The following NLK variants were observed in gnomAD, a reference collection of about 807,000 sequenced individuals.
NLK encodes nemo like kinase, also known as serine/threonine-protein kinase NLK.
NLK carries 11 observed loss-of-function variants against 59.0 expected under a neutral mutation model. That is an observed-to-expected ratio of 0.19 (90% CI 0.12 to 0.31). The LOEUF (loss-of-function observed/expected upper bound fraction) is 0.31. Among genes scored for constraint, NLK ranks in the 10% least tolerant of loss-of-function variants. NLK has a pLI of 1.00. For synonymous variants in NLK, 235 were observed against 235.9 expected (o/e 1.00, Z 0.03); for missense variants, 410 against 661.1 (o/e 0.62, Z 4.16).
At chr17:28,150,084 A>T (rs1043655178) in intron 3 of NLK, among the ~76,000 whole-genome samples, 3 of 152,178 alleles carry the variant, frequency 2.0e-5, no homozygotes, top group Non-Finnish European at 2.9e-5. Context: ...TACAATCTAG[A>T]TTTAAATGCA....
At chr17:28,119,488 A>G (rs1171514248) in intron 1 of NLK, among the ~76,000 whole-genome samples, 1 of 152,214 alleles carries the variant, frequency 6.6e-6, no homozygotes, top group Non-Finnish European at 1.5e-5. Context: ...ACCAGTAAGT[A>G]GTAGTCAGAA....
At chr17:28,124,013 C>T (rs1906187596) in intron 2 of NLK, among the ~76,000 whole-genome samples, 1 of 152,158 alleles carries the variant, frequency 6.6e-6, no homozygotes, top group Non-Finnish European at 1.5e-5. Context: ...AAGGTTTGGT[C>T]TCACTTTAAG....
chr17:28,047,520 T>A (rs1295498352), intron 1 of NLK, among the ~76,000 whole-genome samples: 1 of 152,226 alleles, frequency 6.6e-6, no homozygotes, highest in Admixed American at 6.5e-5. Context: ...GAAAGTATTA[T>A]GGATTTATAT....
intron 3 of NLK, among the ~76,000 whole-genome samples, chr17:28,139,775 C>T (rs1254151648): frequency 6.6e-6 from 1 of 152,132 alleles, no homozygotes. Flanking sequence ...GATTTGAACC[C>T]ATATTGTATA....
chr17:28,047,766 A>T (rs531992710), intron 1 of NLK, among the ~76,000 whole-genome samples: 15 of 152,192 alleles, frequency 9.9e-5, no homozygotes, highest in African/African-American at 3.6e-4. Flanking sequence ...TTTTTTTCTT[A>T]TGTTTTGTCT....
At chr17:28,190,981 A>C in intron 8 of NLK, 40 bp from the exon 9 acceptor site, 1 of 1,404,806 alleles carries the variant, frequency 7.1e-7, no homozygotes, top group Non-Finnish European at 9.8e-7. Flanking sequence ...CAGTCATTTT[A>C]TCTGTAGTGT....
intron 1 of NLK, among the ~76,000 whole-genome samples, chr17:28,045,724 C>T (rs1194178702): frequency 6.6e-6 from 1 of 152,164 alleles, no homozygotes; most frequent in African/African-American, 2.4e-5. Flanking sequence ...CTAAGTAAGA[C>T]TGTTTAGAGA....
intron 1 of NLK, among the ~76,000 whole-genome samples, chr17:28,096,933 G>T (rs1904721320): frequency 1.3e-5 from 2 of 152,116 alleles, no homozygotes; most frequent in South Asian, 4.1e-4. Flanking sequence ...ACACTGAAGG[G>T]TCTAAACAGT....
intron 1 of NLK, among the ~76,000 whole-genome samples, chr17:28,100,175 A>G (rs1010543617): frequency 2.2e-4 from 34 of 152,044 alleles, no homozygotes; most frequent in Non-Finnish European, 4.7e-4. Context: ...CTCTTTTTAC[A>G]TTGCTCTTGG....
Position 28,043,039 on chromosome 17 carries a change from G to T in NLK, c.166G>T (p.Gly56Trp). The T allele has an allele frequency of 3.9e-6, 6 of 1,557,684 alleles. No individual in the cohort carries two copies. Among genetic ancestry groups the T allele is most frequent in the Non-Finnish European group, 5.2e-6 (6 of 1,150,058 alleles). ...HHHPQHHLHPGSAAAVHPVQQ... is the reference protein window; with the variant it reads ...HHHPQHHLHPWSAAAVHPVQQ... ...CCACCCTCAACACCATCTTCATCCG[G>T]GGTCGGCTGCCGCTGTACACCCTGT... is the stretch of plus-strand genomic sequence containing the variant. Residue 56 changes from glycine (G) to tryptophan (W), a missense_variant, in exon 1 of 11, where the codon GGG becomes TGG. Gly to Trp is a radical substitution (Grantham distance 184, BLOSUM62 -2). This residue lies in a region of NLK where 160 missense variants were observed against 171.0 expected (regional missense o/e 0.94). Transcript: ENST00000407008.
intron 6 of NLK, among the ~76,000 whole-genome samples, 159 bp downstream of exon 6, chr17:28,168,816 A>G (rs1024932718): frequency 1.3e-5 from 2 of 152,210 alleles, no homozygotes; most frequent in African/African-American, 4.8e-5. Flanking sequence ...GTTGAAGATT[A>G]CAAAGAGATT....
At chr17:28,138,650 C>T (rs906298730) in intron 3 of NLK, among the ~76,000 whole-genome samples, 2 of 152,194 alleles carry the variant, frequency 1.3e-5, no homozygotes, top group Non-Finnish European at 2.9e-5. Context: ...TGTAAGTGTA[C>T]TCTTTCTTCA....
At chr17:28,176,657 T>C (rs1908692976) in intron 7 of NLK, among the ~76,000 whole-genome samples, 1 of 152,230 alleles carries the variant, frequency 6.6e-6, no homozygotes, top group Non-Finnish European at 1.5e-5. Context: ...AGCAGACTTA[T>C]TAAAATTTCA....
intron 5 of NLK, among the ~76,000 whole-genome samples, chr17:28,165,258 C>A (rs1908175264): frequency 6.6e-6 from 1 of 152,096 alleles, no homozygotes; most frequent in Admixed American, 6.5e-5. Flanking sequence ...AAGCCAATTT[C>A]TTCTTATTTT....
intron 1 of NLK, chr17:28,048,633 G>A (rs1909143207): frequency 6.6e-6 from 1 of 152,138 alleles, no homozygotes; most frequent in East Asian, 1.9e-4. Context: ...TCAAAGCACA[G>A]GCAGCTGTAG....
chr17:28,168,762 CT>C, intron 6 of NLK, 105 bp downstream of exon 6: 1 of 833,762 alleles, frequency 1.2e-6, no homozygotes, highest in Non-Finnish European at 1.9e-6. Flanking sequence ...GTCTAATTTG[CT>C]TTTAGGAAAT....
At chr17:28,199,303 C>G (rs1437207201), downstream of NLK, among the ~76,000 whole-genome samples, 1 of 151,986 alleles carries the variant, frequency 6.6e-6, no homozygotes, top group Non-Finnish European at 1.5e-5. Context: ...GCCAGTTCCT[C>G]AAAAAAATTA....
chr17:28,174,253 G>T (rs1908586471), intron 7 of NLK, among the ~76,000 whole-genome samples: 1 of 152,176 alleles, frequency 6.6e-6, no homozygotes, highest in Non-Finnish European at 1.5e-5. Flanking sequence ...AAGAGGAAAG[G>T]AAAATCCAAA....
At chr17:28,059,961 ATT>A (rs1295233014) in intron 1 of NLK, among the ~76,000 whole-genome samples, 1 of 152,216 alleles carries the variant, frequency 6.6e-6, no homozygotes, top group Non-Finnish European at 1.5e-5. Context: ...ATTCCTAAGT[ATT>A]TGTTACCTTT....
Sources: gnomAD v4.1 joint callset for allele counts (sites outside exome capture counted in the v4.1 genomes callset) on GRCh38, gnomAD v4.1.1 for gene constraint, gnomAD v4.1.1 regional missense constraint, MANE v1.5 for transcripts, NCBI Gene and HGNC (gene_info 2026-07-23, HGNC 2026-07-21) for gene names.